TMEM178B: variants seen among roughly 807,000 people sequenced by gnomAD.
TMEM178B encodes transmembrane protein 178B.
Under a neutral mutation model 31.0 loss-of-function variants are expected in TMEM178B, and 5 were observed. That is an observed-to-expected ratio of 0.16 (90% CI 0.08 to 0.34). TMEM178B has a LOEUF of 0.34. TMEM178B is among the 10% of genes least tolerant of loss of function. The pLI, the probability that TMEM178B is intolerant of heterozygous loss-of-function variation, is 1.00. For synonymous variants in TMEM178B, 164 were observed against 164.0 expected (o/e 1.00, Z 0.00); for missense variants, 275 against 400.3 (o/e 0.69, Z 2.67).
intron 2 of TMEM178B, among the ~76,000 whole-genome samples, chr7:141,364,716 C>T (rs931439787): frequency 1.3e-5 from 2 of 148,186 alleles, no homozygotes; most frequent in East Asian, 2.0e-4. Flanking sequence ...GTGAAATGAC[C>T]ACACTACAGG....
At chr7:141,486,442 G>A in the TMEM178B span, among the ~76,000 whole-genome samples, 45 of 152,262 alleles carry the variant, frequency 3.0e-4, no homozygotes, top group Non-Finnish European at 4.7e-4. Context: ...TCTGCCCCCA[G>A]TGAGGTGGAA....
At position 141,171,841 on chromosome 7, in the gene TMEM178B, TGAA is replaced by T. The variant is rs1273055364; in HGVS notation, c.383-40749_383-40747del. On this transcript the variant is annotated intron_variant, in intron 1 of 3. Coordinates refer to ENST00000565468, the MANE Select transcript of TMEM178B (RefSeq NM_001195278.2). This position sits in a 1 kb window ranked among gnomAD's most constrained non-coding sequence, Gnocchi z 4.3. ...TTATCAGGCTCTCAATACACATTTG[TGAA>T]TGAATGAATGAATGAATGAATGAAG... Among the ~76,000 whole-genome samples the T allele has an allele frequency of 5.9e-5, 1 of 16,832 alleles. No homozygotes were observed. 11.0% of individuals were successfully genotyped at this position (16,832 alleles called of 152,430 possible). A position where few individuals can be genotyped will look rare whatever the true frequency, so the allele number is the denominator to read the frequency against.
At chr7:141,374,378 G>GCACA (rs148202767) in intron 2 of TMEM178B, among the ~76,000 whole-genome samples, 1 of 150,514 alleles carries the variant, frequency 6.6e-6, no homozygotes, top group East Asian at 1.9e-4. Context: ...ACACACACAT[G>GCACA]CACACACACA....
At chr7:141,262,520 C>T (rs539653291) in intron 2 of TMEM178B, among the ~76,000 whole-genome samples, 1 of 132,566 alleles carries the variant, frequency 7.5e-6, no homozygotes, top group South Asian at 2.5e-4. Context: ...CCTGCCTTTC[C>T]TGGTTTCTCT....
chr7:141,162,407 A>G (rs570845580), intron 1 of TMEM178B, among the ~76,000 whole-genome samples: 5 of 152,324 alleles, frequency 3.3e-5, no homozygotes, highest in African/African-American at 1.2e-4. Context: ...GCCCACACCC[A>G]GGGCTGACAC....
intron 2 of TMEM178B, among the ~76,000 whole-genome samples, chr7:141,320,588 C>T (rs1326584503): frequency 2.6e-5 from 4 of 152,136 alleles, no homozygotes; most frequent in African/African-American, 7.2e-5. Flanking sequence ...CCTGGAGGCT[C>T]AGGCCCATTT....
chr7:141,464,882 A>C (rs1364519797), intron 3 of TMEM178B, among the ~76,000 whole-genome samples: 5 of 152,166 alleles, frequency 3.3e-5, no homozygotes, highest in African/African-American at 1.2e-4. Context: ...CAGTGTGTGG[A>C]GCACGCAGCA....
At chr7:141,462,366 C>T (rs1025670536) in intron 3 of TMEM178B, among the ~76,000 whole-genome samples, 10 of 152,154 alleles carry the variant, frequency 6.6e-5, no homozygotes, top group South Asian at 4.2e-4. Context: ...TTGAATATAC[C>T]GTGCCCCTGG....
chr7:141,281,763 C>T (rs1184181739), intron 2 of TMEM178B, among the ~76,000 whole-genome samples: 2 of 152,108 alleles, frequency 1.3e-5, no homozygotes, highest in Non-Finnish European at 2.9e-5. Flanking sequence ...GAGGGAACAG[C>T]ATGTGTGCAA....
chr7:141,502,283 T>TA, the TMEM178B span, among the ~76,000 whole-genome samples: 5 of 128,502 alleles, frequency 3.9e-5, no homozygotes, highest in South Asian at 1.0e-3. Context: ...ATCCTGCTAG[T>TA]GTTCCAGTGA....
intron 1 of TMEM178B, among the ~76,000 whole-genome samples, chr7:141,162,655 C>A (rs1419426132): frequency 6.6e-6 from 1 of 152,194 alleles, no homozygotes; most frequent in Non-Finnish European, 1.5e-5. Context: ...TTTCATTAAT[C>A]AAAATAGGCA....
intron 2 of TMEM178B, among the ~76,000 whole-genome samples, chr7:141,309,035 C>T (rs988996630): frequency 1.3e-5 from 2 of 152,168 alleles, no homozygotes; most frequent in Non-Finnish European, 2.9e-5. Flanking sequence ...GCTTGAACTA[C>T]AAGAGGCTTT....
intron 2 of TMEM178B, among the ~76,000 whole-genome samples, chr7:141,417,719 T>G (rs1313113791): frequency 6.6e-6 from 1 of 152,254 alleles, no homozygotes; most frequent in African/African-American, 2.4e-5. Flanking sequence ...CCACTGAATG[T>G]GCCTGTGTGG....
At chr7:141,294,204 G>A (rs1011166047) in intron 2 of TMEM178B, among the ~76,000 whole-genome samples, 5 of 152,176 alleles carry the variant, frequency 3.3e-5, no homozygotes, top group African/African-American at 1.2e-4. Flanking sequence ...GAGGAGTCTG[G>A]AAACTGCAAA....
intron 3 of TMEM178B, among the ~76,000 whole-genome samples, chr7:141,458,424 T>A (rs1802004552): frequency 6.6e-6 from 1 of 152,168 alleles, no homozygotes; most frequent in African/African-American, 2.4e-5. Flanking sequence ...CCAAGGAGGA[T>A]CTGTCTCAGA....
chr7:141,082,038 A>T (rs932822058), intron 1 of TMEM178B, among the ~76,000 whole-genome samples: 4 of 152,240 alleles, frequency 2.6e-5, no homozygotes, highest in African/African-American at 9.6e-5. Flanking sequence ...GTACAGTAAC[A>T]TGCTGTTCAG....
At chr7:141,375,657 A>G (rs933598658) in intron 2 of TMEM178B, among the ~76,000 whole-genome samples, 5 of 152,176 alleles carry the variant, frequency 3.3e-5, no homozygotes, top group African/African-American at 9.7e-5. Flanking sequence ...TACTCTGTAT[A>G]ATTCTGGGTT....
At chr7:141,220,072 C>T (rs1797229907) in intron 2 of TMEM178B, among the ~76,000 whole-genome samples, 3 of 152,082 alleles carry the variant, frequency 2.0e-5, no homozygotes, top group African/African-American at 7.2e-5. Flanking sequence ...GAAATCCCAA[C>T]ACTTTGGGAG....
At chr7:141,134,266 A>C (rs1490937320) in intron 1 of TMEM178B, among the ~76,000 whole-genome samples, 1 of 152,044 alleles carries the variant, frequency 6.6e-6, no homozygotes, top group Non-Finnish European at 1.5e-5. Flanking sequence ...AACAACAACA[A>C]CACAAAAACC....
Sources: allele counts gnomAD v4.1 joint callset (sites outside exome capture counted in the v4.1 genomes callset), GRCh38; gene constraint gnomAD v4.1.1; non-coding constraint Gnocchi (gnomAD v3.1); transcripts MANE v1.5; gene names NCBI Gene and HGNC (gene_info 2026-07-23, HGNC 2026-07-21).